Variants in JADE1 observed in about 807,000 individuals in gnomAD.
JADE1 encodes the protein jade family PHD finger 1, also known as protein Jade-1.
Under a neutral mutation model 81.8 loss-of-function variants are expected in JADE1, and 14 were observed. That is an observed-to-expected ratio of 0.17 (90% CI 0.11 to 0.27). JADE1 has a LOEUF of 0.27. Ranked by LOEUF, JADE1 falls within the 10% of genes least tolerant of loss-of-function variation. JADE1 has a pLI of 1.00. For synonymous variants in JADE1, 353 were observed against 391.9 expected (o/e 0.90, Z 1.17); for missense variants, 690 against 1,047.9 (o/e 0.66, Z 4.71).
chr4:128,837,849 G>A (rs1473418592), intron 2 of JADE1, among the ~76,000 whole-genome samples: 1 of 152,238 alleles, frequency 6.6e-6, no homozygotes, highest in African/African-American at 2.4e-5. Context: ...TGTTTGATCA[G>A]TGGCAAGGTT....
intron 2 of JADE1, among the ~76,000 whole-genome samples, chr4:128,832,973 T>C (rs925158750): frequency 1.2e-4 from 18 of 152,154 alleles, no homozygotes; most frequent in African/African-American, 1.7e-4. Flanking sequence ...TTGGCCGTTA[T>C]GGGAGAGTGT....
chr4:128,865,836 G>A (rs1040163724), intron 9 of JADE1, among the ~76,000 whole-genome samples: 33 of 152,250 alleles, frequency 2.2e-4, no homozygotes, highest in African/African-American at 7.5e-4. Context: ...TGGCTTCCCC[G>A]TTTTCCATTT....
intron 8 of JADE1, among the ~76,000 whole-genome samples, chr4:128,861,383 G>C (rs1246412890): frequency 6.6e-6 from 1 of 152,196 alleles, no homozygotes; most frequent in Non-Finnish European, 1.5e-5. Flanking sequence ...TCCAAGACTT[G>C]GCTGGGCGCA....
intron 7 of JADE1, 39 bp downstream of exon 7, chr4:128,855,836 T>TA (rs756726815): frequency 6.4e-7 from 1 of 1,556,922 alleles, no homozygotes; most frequent in Non-Finnish European, 8.7e-7. Context: ...TACTTTTTTT[T>TA]AAGACAGAGT....
chr4:128,865,476 A>G (rs945438008), intron 9 of JADE1, among the ~76,000 whole-genome samples: 4 of 152,080 alleles, frequency 2.6e-5, no homozygotes, highest in African/African-American at 9.7e-5. Context: ...AAGATAAAGC[A>G]GGGGAGGGAG....
At chr4:128,821,475 G>A (rs2125803463) in intron 1 of JADE1, among the ~76,000 whole-genome samples, 1 of 150,212 alleles carries the variant, frequency 6.7e-6, no homozygotes, top group Middle Eastern at 3.5e-3. Context: ...AATGGATAAG[G>A]AGTTGAAATG....
Position 128,871,965 on chromosome 4 carries a change from A to C in JADE1, c.2232A>C (p.Pro744=), listed in dbSNP as rs766947978. The part of the protein sequence containing the change: ...AVKVPTTPAS[P]VKNWGGFRIP... ...AAGTGCCTACAACACCTGCCAGCCC[A>C]GTGAAAAACTGGGGAGGATTCCGGA... Residue 744 remains proline (P), a synonymous_variant, in exon 11 of 11, where the codon CCA becomes CCC. Transcript: ENST00000226319. This position sits in a 1 kb window ranked among gnomAD's most constrained non-coding sequence, Gnocchi z 4.1. The C allele has an allele frequency of 8.1e-6, 13 of 1,613,884 alleles. No homozygotes were observed. The East Asian group carries it at 2.9e-4, about 36-fold the overall frequency.
At chr4:128,850,215 GGTGATT>G in intron 5 of JADE1, among the ~76,000 whole-genome samples, 1 of 104,298 alleles carries the variant, frequency 9.6e-6, no homozygotes, top group South Asian at 3.6e-4. Flanking sequence ...AATCACTTGA[GGTGATT>G]CTTCTCAAGT....
At chr4:128,834,342 G>A (rs1407475472) in intron 2 of JADE1, among the ~76,000 whole-genome samples, 2 of 152,076 alleles carry the variant, frequency 1.3e-5, no homozygotes, top group South Asian at 2.1e-4. Flanking sequence ...GGCATCGCTG[G>A]TGTGCCTCAG....
rs776716046 is a variant in JADE1 at position 128,861,897 on chromosome 4, C to T, written c.1175C>T (p.Ser392Phe). ...CAGGAGAATGGGGCCCCTGAGTGTT[C>T]CCCCCGGAATCCGCTGGAGCCCTTT... ...AAQENGAPECSPRNPLEPFAS... is the reference protein window; with the variant it reads ...AAQENGAPECFPRNPLEPFAS... Residue 392 changes from serine (S) to phenylalanine (F), a missense_variant, in exon 9 of 11, where the codon TCC (serine) becomes TTC (phenylalanine). Transcript: ENST00000226319. 4.3e-6 allele frequency: 7 copies of T among 1,613,942 alleles called. No homozygotes were observed. The highest frequency in any genetic ancestry group is 3.3e-5 in the Admixed American group (2 of 60,026).
intron 9 of JADE1, chr4:128,862,989 G>T: frequency 3.0e-6 from 3 of 985,784 alleles, no homozygotes; most frequent in South Asian, 4.7e-5. Flanking sequence ...GTGGACAGGG[G>T]TGTCAGATCT....
chr4:128,857,952 A>G (rs571434024), intron 8 of JADE1, among the ~76,000 whole-genome samples: 2 of 152,120 alleles, frequency 1.3e-5, no homozygotes, highest in Non-Finnish European at 2.9e-5. Context: ...ATGCTAATGC[A>G]TTTGCAGTTG....
intron 5 of JADE1, 89 bp from the exon 6 acceptor site, chr4:128,851,968 A>G: frequency 1.2e-6 from 1 of 801,244 alleles, no homozygotes; most frequent in Non-Finnish European, 2.0e-6. Flanking sequence ...ATTATACATT[A>G]TTTTTAAGTA....
intron 9 of JADE1, chr4:128,863,494 G>A (rs997164954): frequency 9.1e-6 from 9 of 985,380 alleles, no homozygotes; most frequent in Non-Finnish European, 6.0e-6. Flanking sequence ...TGGCGTAGAA[G>A]TGAAAGTCTT....
chr4:128,870,649 T>G (rs1419327748), intron 10 of JADE1, among the ~76,000 whole-genome samples: 1 of 152,154 alleles, frequency 6.6e-6, no homozygotes, highest in African/African-American at 2.4e-5. Flanking sequence ...TGTGAACTCT[T>G]ACTAGGTCAT....
chr4:128,819,162 A>G (rs775916607), intron 1 of JADE1, among the ~76,000 whole-genome samples: 14 of 152,146 alleles, frequency 9.2e-5, no homozygotes, highest in Admixed American at 2.0e-4. Context: ...GCTCCCTTCT[A>G]GGAACCTGAA....
At chr4:128,862,707 G>A (rs975910636) in intron 9 of JADE1, 10 of 1,008,324 alleles carry the variant, frequency 9.9e-6, no homozygotes, top group Non-Finnish European at 1.2e-5. Flanking sequence ...GCTTATGAAG[G>A]AAGCTAAGCA....
In JADE1 at chr4:128,862,242, A is replaced by T. The variant is rs971059343; in HGVS notation, c.1503+17A>T. The T allele has an allele frequency of 1.2e-6, 2 of 1,614,086 alleles. No homozygotes were observed. The highest frequency in any genetic ancestry group is 1.7e-6 in the Non-Finnish European group (2 of 1,179,980). ...CTGGAGAGGGTAATGATTGACACTG[A>T]CACCTTATAGTGACTTAGAGAAGAA... On this transcript the variant is annotated intron_variant, in intron 9 of 10. Transcript: ENST00000226319.
chr4:128,828,953 A>AT (rs1292020906), intron 1 of JADE1, among the ~76,000 whole-genome samples: 4 of 152,034 alleles, frequency 2.6e-5, no homozygotes, highest in East Asian at 3.9e-4. Flanking sequence ...CCTAGTACTA[A>AT]TTTTTTTTAG....
Sources: allele counts gnomAD v4.1 joint callset (sites outside exome capture counted in the v4.1 genomes callset), GRCh38; gene constraint gnomAD v4.1.1; non-coding constraint Gnocchi (gnomAD v3.1); transcripts MANE v1.5; gene names NCBI Gene and HGNC (gene_info 2026-07-23, HGNC 2026-07-21).